Variants in ANKS6 observed in about 807,000 individuals in gnomAD.
ANKS6 encodes the protein ankyrin repeat and SAM domain-containing protein 6.
In ANKS6, 47 loss-of-function variants were observed where a neutral mutation model predicts 77.9. That is an observed-to-expected ratio of 0.60 (90% CI 0.48 to 0.77). The LOEUF (loss-of-function observed/expected upper bound fraction) is 0.77, where lower values mean the gene tolerates loss of function less well. ANKS6 is among the 30% of genes least tolerant of loss of function. ANKS6 has a pLI of 0.00. For synonymous variants in ANKS6, 488 were observed against 501.7 expected, an observed-to-expected ratio of 0.97 and a Z score of 0.37; for missense variants, 1,150 against 1,159.1, an observed-to-expected ratio of 0.99 and a Z score of 0.11.
chr9:98,756,494 G>A lies in ANKS6; in HGVS notation c.2252C>T (p.Ser751Leu), dbSNP rs1201761111. 4 of 1,613,554 alleles carry A rather than the reference G, an allele frequency of 2.5e-6. No individual in the cohort carries two copies. Among genetic ancestry groups the A allele is most frequent in the East Asian group, 2.2e-5 (1 of 44,778 alleles). Residue 751 changes from serine (S) to leucine (L), a missense_variant, in exon 12 of 15, where the codon TCA (serine) becomes TTA (leucine). Physicochemically the swap from Ser to Leu is moderately radical, Grantham distance 145. Coordinates refer to ENST00000353234, the MANE Select transcript of ANKS6 (RefSeq NM_173551.5). ...PSPKGHTAESSVSSSSSHRQS... is the reference protein window; with the variant it reads ...PSPKGHTAESLVSSSSSHRQS... Reference sequence around the variant, plus strand: ...CCGATGGGATGACGAGGAAGACACTGAGGACTCTGCAGTGTGCCCTTTGGG... The same window carrying A: ...CCGATGGGATGACGAGGAAGACACTAAGGACTCTGCAGTGTGCCCTTTGGG...
chr9:98,755,577 C>CAGG, intron 12 of ANKS6, among the ~76,000 whole-genome samples: 1 of 152,248 alleles, frequency 6.6e-6, no homozygotes, highest in Non-Finnish European at 1.5e-5. Flanking sequence ...CTGGTTGCAG[C>CAGG]AGACATCAAC....
intron 9 of ANKS6, among the ~76,000 whole-genome samples, chr9:98,771,843 G>A (rs192912588): frequency 1.3e-5 from 2 of 152,216 alleles, no homozygotes; most frequent in Non-Finnish European, 2.9e-5. Flanking sequence ...CTCAACACAC[G>A]GCTGTGATCC....
chr9:98,778,075 G>GT (rs1834011037), intron 7 of ANKS6, 151 bp downstream of exon 7: 3 of 946,954 alleles, frequency 3.2e-6, no homozygotes, highest in Non-Finnish European at 4.6e-6. Context: ...CCCTGCCTAA[G>GT]TATCTTTTCC....
chr9:98,747,591 C>A (rs942607991), intron 13 of ANKS6, among the ~76,000 whole-genome samples: 1 of 152,046 alleles, frequency 6.6e-6, no homozygotes, highest in Non-Finnish European at 1.5e-5. Flanking sequence ...AACCACCTGC[C>A]CCCCGCCCTG....
At chr9:98,748,326 T>A (rs1223886784) in intron 13 of ANKS6, among the ~76,000 whole-genome samples, 4 of 152,214 alleles carry the variant, frequency 2.6e-5, no homozygotes, top group Non-Finnish European at 5.9e-5. Context: ...ATTCCTCTCC[T>A]ACGACTACTT....
chr9:98,781,412 G>A (rs920702424), intron 5 of ANKS6, among the ~76,000 whole-genome samples: 3 of 152,208 alleles, frequency 2.0e-5, no homozygotes, highest in Admixed American at 2.0e-4. Flanking sequence ...TCCAGCGAGA[G>A]TGGCTGCGGA....
intron 1 of ANKS6, among the ~76,000 whole-genome samples, chr9:98,793,405 TGAC>T (rs1240300850): frequency 1.3e-5 from 2 of 152,228 alleles, no homozygotes; most frequent in Non-Finnish European, 2.9e-5. Context: ...GAAATGAGGA[TGAC>T]AATAGTACCT....
intron 2 of ANKS6, among the ~76,000 whole-genome samples, chr9:98,787,995 T>A (rs975412441): frequency 6.6e-6 from 1 of 152,102 alleles, no homozygotes; most frequent in African/African-American, 2.4e-5. Context: ...CAGCACCCAT[T>A]TGTGGAGAAG....
At chr9:98,782,417 G>T in intron 5 of ANKS6, 50 bp downstream of exon 5, 1 of 1,532,486 alleles carries the variant, frequency 6.5e-7, no homozygotes, top group Non-Finnish European at 9.0e-7. Flanking sequence ...TTGACTCCCA[G>T]TCCAAGAAAC....
At chr9:98,746,582 CT>C (rs71496901) in intron 13 of ANKS6, among the ~76,000 whole-genome samples, 3,781 of 133,176 alleles carry the variant, frequency 0.028, 66 homozygotes, top group African/African-American at 0.06. Context: ...GCACAGAGAG[CT>C]TTTTTTTTTT....
At chr9:98,776,775 G>A (rs560421206) in intron 8 of ANKS6, among the ~76,000 whole-genome samples, 32 of 152,160 alleles carry the variant, frequency 2.1e-4, no homozygotes, top group Non-Finnish European at 4.1e-4. Flanking sequence ...CTGCTGGCTG[G>A]AATGAGGCCG....
chr9:98,783,972 TG>T lies in ANKS6; in HGVS notation c.1092del (p.Met365CysfsTer12). On this transcript the variant is annotated frameshift_variant, in exon 4 of 15. Transcript: ENST00000353234. LOFTEE classifies it high-confidence loss of function. ...ACTGACCCATGGTAGGTTGCCTGCA[TG>T]AGGGCCGTCCAGCCATGCACGCTGT... ...KQDSVHGWTA[L>X]MQATYHGNKE... The T allele has an allele frequency of 1.3e-6, 2 of 1,599,756 alleles. No individual in the cohort carries two copies. Among genetic ancestry groups the T allele is most frequent in the Admixed American group, 3.4e-5 (2 of 58,990 alleles).
chr9:98,778,199 T>C, intron 7 of ANKS6, 27 bp downstream of exon 7: 1 of 1,612,564 alleles, frequency 6.2e-7, no homozygotes. Context: ...TTCCAAAAAT[T>C]CTACTGCACA....
intron 2 of ANKS6, among the ~76,000 whole-genome samples, chr9:98,788,148 C>T (rs1345802908): frequency 6.6e-6 from 1 of 152,204 alleles, no homozygotes; most frequent in Admixed American, 6.5e-5. Flanking sequence ...GAAATGAGGG[C>T]ATCGCCATCC....
At chr9:98,782,424 A>G in intron 5 of ANKS6, 43 bp downstream of exon 5, 1 of 1,565,232 alleles carries the variant, frequency 6.4e-7, no homozygotes, top group Non-Finnish European at 8.8e-7. Flanking sequence ...CCAGTCCAAG[A>G]AACGCTGGGT....
At chr9:98,772,676 G>A (rs1833706115) in intron 9 of ANKS6, among the ~76,000 whole-genome samples, 2 of 152,168 alleles carry the variant, frequency 1.3e-5, no homozygotes, top group African/African-American at 4.8e-5. Context: ...CTGAGTAAGC[G>A]AAACAGAACA....
chr9:98,767,906 C>T (rs952315450), intron 11 of ANKS6, among the ~76,000 whole-genome samples, 175 bp downstream of exon 11: 13 of 152,240 alleles, frequency 8.5e-5, no homozygotes, highest in South Asian at 4.1e-4. Flanking sequence ...GAGGTAAACG[C>T]CTGGTGCGGA....
In ANKS6 at chr9:98,789,923, C is replaced by G. The variant is rs531814012; in HGVS notation, c.862+181G>C. 52 of 916,246 alleles carry G rather than the reference C, an allele frequency of 5.7e-5. 2 individuals carry two copies. In the South Asian group the frequency reaches 1.3e-3, roughly 23 times the overall value. The allele number at this position is 916,246 out of a possible 1,614,324, so 56.8% of individuals were successfully genotyped here. A position where few individuals can be genotyped will look rare whatever the true frequency, so the allele number is the denominator to read the frequency against. On this transcript the variant is annotated intron_variant, in intron 2 of 14. Coordinates refer to ENST00000353234, the MANE Select transcript of ANKS6 (RefSeq NM_173551.5). ...CAAATCACTCTGCAGAGAGTGGGCCCAGAACCTGCATGTCACAGGCAATCC... is the reference window on the plus strand; with the variant it reads ...CAAATCACTCTGCAGAGAGTGGGCCGAGAACCTGCATGTCACAGGCAATCC...
At chr9:98,752,605 A>G (rs1325304219) in intron 12 of ANKS6, among the ~76,000 whole-genome samples, 3 of 152,198 alleles carry the variant, frequency 2.0e-5, no homozygotes. Context: ...TACATGGATG[A>G]CCCACTTGCT....
Sources: gnomAD v4.1 joint callset for allele counts (sites outside exome capture counted in the v4.1 genomes callset) on GRCh38, gnomAD v4.1.1 for gene constraint, MANE v1.5 for transcripts, NCBI Gene and HGNC (gene_info 2026-07-23, HGNC 2026-07-21) for gene names.